The following LPCAT2 variants were observed in gnomAD, a reference collection of about 807,000 sequenced individuals.
The protein encoded by LPCAT2 is lysophosphatidylcholine acyltransferase 2, also known as 1-AGP acyltransferase 11.
In LPCAT2, 58 loss-of-function variants were observed where a neutral mutation model predicts 64.7. The ratio of observed to expected loss-of-function variants is 0.90; its 90% CI spans 0.73 to 1.12. The LOEUF is 1.12. Among genes scored for constraint, LPCAT2 ranks in the 50% most tolerant of loss-of-function variants. LPCAT2 has a pLI of 0.00. For synonymous variants in LPCAT2, 252 were observed against 245.3 expected (o/e 1.03, Z -0.26); for missense variants, 579 against 669.8 (o/e 0.86, Z 1.50).
At position 55,583,176 on chromosome 16, in the gene LPCAT2, G is replaced by T; in HGVS notation, c.*78G>T. 9.3e-7 allele frequency: 1 copy of T among 1,078,856 alleles called. No individual in the cohort carries two copies. Among genetic ancestry groups the T allele is most frequent in the Non-Finnish European group, 1.3e-6 (1 of 756,400 alleles). The allele number at this position is 1,078,856 out of a possible 1,614,324, so 66.8% of individuals were successfully genotyped here. On this transcript the variant is annotated 3_prime_UTR_variant, in exon 14 of 14. Coordinates refer to ENST00000262134, the MANE Select transcript of LPCAT2 (RefSeq NM_017839.5). ...GGCACTTATTGATAATACTTTTAAT[G>T]TGTTGGTAATGATGTTTAAAATTGA...
chr16:55,573,713 C>T (rs1963795415), intron 11 of LPCAT2, among the ~76,000 whole-genome samples: 1 of 152,042 alleles, frequency 6.6e-6, no homozygotes, highest in Admixed American at 6.6e-5. Context: ...TCCTACCCTC[C>T]CTCCACCTCT....
At position 55,586,543 on chromosome 16, in the gene LPCAT2, T is replaced by C. The variant is rs1319270456; in HGVS notation, c.*3445T>C. On this transcript the variant is annotated 3_prime_UTR_variant, in exon 14 of 14. Coordinates refer to ENST00000262134, the MANE Select transcript of LPCAT2 (RefSeq NM_017839.5). ...CCATCTTTTTTCAAAGTTTCTTACA[T>C]TTTCCAATGTCATTAAAATTCTCTG... is the stretch of plus-strand genomic sequence containing the variant. 6 of 152,198 alleles carry C rather than the reference T, an allele frequency of 3.9e-5. No homozygotes were observed. Among genetic ancestry groups the C allele is most frequent in the African/African-American group, 1.4e-4 (6 of 41,452 alleles). The allele number at this position is 152,198 out of a possible 1,614,324, so 9.4% of individuals were successfully genotyped here.
At chr16:55,530,495 G>T (rs1026839833) in intron 4 of LPCAT2, among the ~76,000 whole-genome samples, 8 of 148,394 alleles carry the variant, frequency 5.4e-5, no homozygotes, top group African/African-American at 2.1e-4. Flanking sequence ...GCGGGGGTGG[G>T]GGGGGGGTAA....
chr16:55,550,131 T>A (rs1203757529), intron 10 of LPCAT2, among the ~76,000 whole-genome samples: 1 of 152,216 alleles, frequency 6.6e-6, no homozygotes, highest in Non-Finnish European at 1.5e-5. Flanking sequence ...ATTATTTATA[T>A]TGTAAGATAA....
chr16:55,567,659 C>T, intron 11 of LPCAT2: 4 of 727,206 alleles, frequency 5.5e-6, no homozygotes, highest in African/African-American at 3.5e-5. Context: ...CCTTTTACTG[C>T]TGAATTAAAA....
intron 11 of LPCAT2, among the ~76,000 whole-genome samples, chr16:55,572,321 G>C (rs915704601): frequency 6.6e-6 from 1 of 152,126 alleles, no homozygotes; most frequent in Non-Finnish European, 1.5e-5. Context: ...ATTCAAAGGG[G>C]TATTTCCAAT....
intron 1 of LPCAT2, 23 bp downstream of exon 1, chr16:55,509,375 G>T: frequency 7.4e-7 from 1 of 1,354,720 alleles, no homozygotes; most frequent in Non-Finnish European, 9.6e-7. Context: ...GGTCTGAGGG[G>T]AGAGGTGGTC....
chr16:55,566,667 T>G (rs1305781047), intron 11 of LPCAT2: 1 of 1,397,254 alleles, frequency 7.2e-7, no homozygotes, highest in Non-Finnish European at 9.6e-7. Flanking sequence ...AAAAGCCAGT[T>G]CTTCCACATG....
intron 12 of LPCAT2, among the ~76,000 whole-genome samples, chr16:55,578,584 C>T (rs1963854844): frequency 6.6e-6 from 1 of 152,158 alleles, no homozygotes; most frequent in South Asian, 2.1e-4. Context: ...TTATCAACCT[C>T]TTGCTCCCAA....
intron 4 of LPCAT2, among the ~76,000 whole-genome samples, chr16:55,531,356 TGAA>T (rs1963250697): frequency 1.3e-5 from 2 of 152,102 alleles, no homozygotes; most frequent in African/African-American, 2.4e-5. Flanking sequence ...TTTGAAAACA[TGAA>T]GAAGTATGTT....
chr16:55,560,838 C>T (rs1435281341), intron 11 of LPCAT2, among the ~76,000 whole-genome samples: 1 of 151,994 alleles, frequency 6.6e-6, no homozygotes, highest in Non-Finnish European at 1.5e-5. Flanking sequence ...TTTACATATC[C>T]TAATTCACCC....
intron 11 of LPCAT2, among the ~76,000 whole-genome samples, chr16:55,572,606 G>C (rs536516946): frequency 1.1e-5 from 1 of 92,632 alleles, no homozygotes; most frequent in Non-Finnish European, 2.3e-5. Flanking sequence ...GAAACATCTG[G>C]AGTGATGAAA....
intron 11 of LPCAT2, among the ~76,000 whole-genome samples, chr16:55,566,494 G>C (rs940909778): frequency 3.3e-5 from 5 of 152,002 alleles, no homozygotes; most frequent in African/African-American, 1.2e-4. Flanking sequence ...ATTATCCTAA[G>C]GTGTCCTACA....
At chr16:55,537,708 AC>A in intron 8 of LPCAT2, 76 bp downstream of exon 8, 1 of 1,226,218 alleles carries the variant, frequency 8.2e-7, no homozygotes, top group Non-Finnish European at 1.2e-6. Flanking sequence ...GTCTAGAGAG[AC>A]CAGATATAAA....
chr16:55,520,646 A>T lies in LPCAT2; in HGVS notation c.172-4862A>T, dbSNP rs534075236. Among the ~76,000 whole-genome samples, 14 of 152,146 alleles carry T rather than the reference A, an allele frequency of 9.2e-5. No individual in the cohort carries two copies. The South Asian group carries it at 2.9e-3, about 31-fold the overall frequency. On this transcript the variant is annotated intron_variant, in intron 1 of 13. Transcript: ENST00000262134. ...CCTCAATAAATACCAAAAGTTTGAA[A>T]TATTACAGAGAATATTCTCTGAACA...
At chr16:55,553,723 G>T (rs1427962672) in intron 11 of LPCAT2, among the ~76,000 whole-genome samples, 1 of 152,158 alleles carries the variant, frequency 6.6e-6, no homozygotes, top group Non-Finnish European at 1.5e-5. Context: ...TTTCCAAAAG[G>T]TTTTCAATTT....
At chr16:55,556,962 T>G (rs1265011680) in intron 11 of LPCAT2, 11 of 152,244 alleles carry the variant, frequency 7.2e-5, no homozygotes, top group Admixed American at 3.9e-4. Flanking sequence ...GGAAGACTGG[T>G]GAGCCTTTGC....
intron 11 of LPCAT2, among the ~76,000 whole-genome samples, chr16:55,557,553 A>T: frequency 6.6e-6 from 1 of 152,222 alleles, no homozygotes; most frequent in East Asian, 1.9e-4. Flanking sequence ...AATGGGAGGA[A>T]GGATGGGAAA....
At chr16:55,553,565 C>T (rs1439394317) in intron 11 of LPCAT2, among the ~76,000 whole-genome samples, 1 of 152,212 alleles carries the variant, frequency 6.6e-6, no homozygotes, top group African/African-American at 2.4e-5. Context: ...TCCACATCTG[C>T]ATTTACTTGC....
Sources: allele counts gnomAD v4.1 joint callset (sites outside exome capture counted in the v4.1 genomes callset), GRCh38; gene constraint gnomAD v4.1.1; transcripts MANE v1.5; gene names NCBI Gene and HGNC (gene_info 2026-07-23, HGNC 2026-07-21).